Variants in SMOC2 observed in about 807,000 individuals in gnomAD.
SMOC2 encodes the protein SPARC related modular calcium binding 2, also known as SPARC-related modular calcium-binding protein 2.
SMOC2 carries 39 observed loss-of-function variants against 61.4 expected under a neutral mutation model. The ratio of observed to expected loss-of-function variants is 0.64; its 90% CI spans 0.49 to 0.83. The LOEUF (loss-of-function observed/expected upper bound fraction) is 0.83, where lower values mean the gene tolerates loss of function less well. Among genes scored for constraint, SMOC2 ranks in the 40% least tolerant of loss-of-function variants. The pLI, the probability that SMOC2 is intolerant of heterozygous loss-of-function variation, is 0.00. For synonymous variants in SMOC2, 247 were observed against 239.9 expected, an observed-to-expected ratio of 1.03 and a Z score of -0.27; for missense variants, 556 against 592.9, an observed-to-expected ratio of 0.94 and a Z score of 0.65.
intron 9 of SMOC2, among the ~76,000 whole-genome samples, chr6:168,613,942 G>GA (rs1785970492): frequency 2.1e-5 from 1 of 46,868 alleles, no homozygotes. Flanking sequence ...GCCAGCACAG[G>GA]GCCTCTTCAC....
At chr6:168,518,796 T>C (rs943224944) in intron 2 of SMOC2, among the ~76,000 whole-genome samples, 2 of 150,184 alleles carry the variant, frequency 1.3e-5, no homozygotes, top group Non-Finnish European at 3.0e-5. Context: ...AGCATGTATG[T>C]GCTTGTGTGT....
At position 168,441,204 on chromosome 6, in the gene SMOC2, G is replaced by T. The variant is rs981991883; in HGVS notation, c.-167G>T. Reference sequence around the variant, plus strand: ...CAAAGAACGCGGAGGACCTCTGGGTGCCTGCAGGGGAGCTGCTCCAGCCGG... The same window carrying T: ...CAAAGAACGCGGAGGACCTCTGGGTTCCTGCAGGGGAGCTGCTCCAGCCGG... On this transcript the variant is annotated 5_prime_UTR_variant, in exon 1 of 13. Coordinates refer to ENST00000356284, the MANE Select transcript of SMOC2 (RefSeq NM_001166412.2). 7 of 1,017,894 alleles carry T rather than the reference G, an allele frequency of 6.9e-6. No individual in the cohort carries two copies. The highest frequency in any genetic ancestry group is 4.9e-5 in the South Asian group (2 of 40,634). The allele number at this position is 1,017,894 out of a possible 1,614,324, so 63.1% of individuals were successfully genotyped here.
At chr6:168,613,120 G>A (rs560545975) in intron 9 of SMOC2, among the ~76,000 whole-genome samples, 14 of 152,244 alleles carry the variant, frequency 9.2e-5, no homozygotes, top group African/African-American at 2.9e-4. Flanking sequence ...GGCAGGGAAC[G>A]CTCACATTTT....
At chr6:168,503,547 A>G (rs1782787193) in intron 1 of SMOC2, among the ~76,000 whole-genome samples, 1 of 152,164 alleles carries the variant, frequency 6.6e-6, no homozygotes, top group Non-Finnish European at 1.5e-5. Context: ...GTACTCGTCC[A>G]CATATGAAAG....
At chr6:168,620,364 G>A (rs1786213169) in intron 9 of SMOC2, among the ~76,000 whole-genome samples, 1 of 152,152 alleles carries the variant, frequency 6.6e-6, no homozygotes. Context: ...TGCATAGGTG[G>A]TGCTTGCCAA....
chr6:168,653,571 C>T (rs571349841), intron 11 of SMOC2, among the ~76,000 whole-genome samples: 12 of 152,144 alleles, frequency 7.9e-5, no homozygotes, highest in Non-Finnish European at 1.0e-4. Flanking sequence ...ACCAACCCTG[C>T]ACCTGAGCTC....
chr6:168,486,081 A>G (rs1782325944), intron 1 of SMOC2, among the ~76,000 whole-genome samples: 1 of 152,182 alleles, frequency 6.6e-6, no homozygotes, highest in African/African-American at 2.4e-5. Flanking sequence ...ATGGTATCAT[A>G]ATAATTTATC....
Position 168,453,256 on chromosome 6 carries a change from G to T in SMOC2, c.84+11802G>T, listed in dbSNP as rs1250802005. 6.6e-6 allele frequency among the ~76,000 whole-genome samples: 1 copy of T among 152,130 alleles called. No individual in the cohort carries two copies. Among genetic ancestry groups the T allele is most frequent in the Non-Finnish European group, 1.5e-5 (1 of 68,018 alleles). On this transcript the variant is annotated intron_variant, in intron 1 of 12. Coordinates refer to ENST00000356284, the MANE Select transcript of SMOC2 (RefSeq NM_001166412.2). The surrounding 1 kb of genome is among the most constrained non-coding windows in gnomAD (Gnocchi z 4.4). ...GGACCCAGGGCTGTGCCCCAAGAGG[G>T]TGTGGGGCAGCCAGGGGGTGTGGTG...
At chr6:168,462,468 T>TC (rs1455406383) in intron 1 of SMOC2, among the ~76,000 whole-genome samples, 1 of 152,026 alleles carries the variant, frequency 6.6e-6, no homozygotes, top group Non-Finnish European at 1.5e-5. Flanking sequence ...TTTAAAGTTT[T>TC]CCCAGCTCTC....
chr6:168,653,511 A>C (rs1277628651), intron 11 of SMOC2, among the ~76,000 whole-genome samples: 1 of 152,234 alleles, frequency 6.6e-6, no homozygotes, highest in African/African-American at 2.4e-5. Context: ...TTCCCCCAGA[A>C]TGGATTGTCT....
intron 9 of SMOC2, among the ~76,000 whole-genome samples, chr6:168,636,507 T>G (rs1246006732): frequency 2.0e-5 from 3 of 152,204 alleles, no homozygotes. Flanking sequence ...TAATGTTGTT[T>G]TGGATAGGCT....
At position 168,599,272 on chromosome 6, in the gene SMOC2, GCT is replaced by G. The variant is rs796655619; in HGVS notation, c.824+272_824+273del. On this transcript the variant is annotated intron_variant, in intron 8 of 12. Coordinates refer to ENST00000356284, the MANE Select transcript of SMOC2 (RefSeq NM_001166412.2). ...CACACACATACCCACACACACCCAC[GCT>G]CTCACACACCCACACACACACATAC... 7.8e-3 allele frequency among the ~76,000 whole-genome samples: 701 copies of G among 89,666 alleles called. 15 individuals are homozygous for G. Among genetic ancestry groups the G allele is most frequent in the African/African-American group, 0.027 (590 of 21,916 alleles). 58.8% of individuals were successfully genotyped at this position (89,666 alleles called of 152,430 possible).
intron 2 of SMOC2, among the ~76,000 whole-genome samples, chr6:168,522,816 T>G (rs138616615): frequency 3.9e-5 from 6 of 152,224 alleles, no homozygotes; most frequent in Admixed American, 3.3e-4. Flanking sequence ...GAAGGATACC[T>G]CGTGTGTGAT....
intron 4 of SMOC2, among the ~76,000 whole-genome samples, chr6:168,536,734 G>A (rs1479579436): frequency 6.6e-6 from 1 of 152,242 alleles, no homozygotes; most frequent in East Asian, 1.9e-4. Flanking sequence ...CCCCCTGGGG[G>A]TACTGTGGAC....
At chr6:168,481,052 T>C (rs191058629) in intron 1 of SMOC2, among the ~76,000 whole-genome samples, 1 of 152,284 alleles carries the variant, frequency 6.6e-6, no homozygotes, top group Admixed American at 6.5e-5. Context: ...AGGAAGTTTC[T>C]TACCAGTAAA....
At chr6:168,497,246 C>T (rs1444354204) in intron 1 of SMOC2, among the ~76,000 whole-genome samples, 6 of 152,194 alleles carry the variant, frequency 3.9e-5, no homozygotes, top group African/African-American at 9.6e-5. Flanking sequence ...CTCAGCTGTG[C>T]GTGGTCAAAT....
intron 11 of SMOC2, 43 bp from the exon 12 acceptor site, chr6:168,664,031 T>G: frequency 6.6e-7 from 1 of 1,526,146 alleles, no homozygotes; most frequent in South Asian, 1.2e-5. Flanking sequence ...CATTAAATAA[T>G]GAGTCTCTGA....
At chr6:168,662,984 A>G (rs958206786) in intron 11 of SMOC2, among the ~76,000 whole-genome samples, 1 of 152,232 alleles carries the variant, frequency 6.6e-6, no homozygotes, top group Non-Finnish European at 1.5e-5. Flanking sequence ...TGAGCTGCCT[A>G]TTGAATGAAA....
intron 7 of SMOC2, among the ~76,000 whole-genome samples, chr6:168,584,007 G>A (rs780597529): frequency 6.6e-6 from 1 of 152,250 alleles, no homozygotes; most frequent in Admixed American, 6.5e-5. Context: ...CTTGGCAGAG[G>A]CCATCGGAGG....
Sources: gnomAD v4.1 joint callset for allele counts (sites outside exome capture counted in the v4.1 genomes callset) on GRCh38, gnomAD v4.1.1 for gene constraint, Gnocchi (gnomAD v3.1) non-coding constraint, MANE v1.5 for transcripts, NCBI Gene and HGNC (gene_info 2026-07-23, HGNC 2026-07-21) for gene names.